The following CCDC102B variants were observed in gnomAD, a reference collection of about 807,000 sequenced individuals.
CCDC102B encodes the protein coiled-coil domain containing 102B, also known as coiled-coil domain-containing protein 102B.
Under a neutral mutation model 57.4 loss-of-function variants are expected in CCDC102B, and 75 were observed. The observed-to-expected ratio is 1.31, with a 90% CI of 1.08 to 1.58. CCDC102B has a LOEUF of 1.58. Ranked by LOEUF, CCDC102B falls within the 40% of genes most tolerant of loss-of-function variation. The pLI, the probability that CCDC102B is intolerant of heterozygous loss-of-function variation, is 0.00. For synonymous variants in CCDC102B, 206 were observed against 201.9 expected, an observed-to-expected ratio of 1.02 and a Z score of -0.17; for missense variants, 636 against 582.6, an observed-to-expected ratio of 1.09 and a Z score of -0.94.
Position 68,963,957 on chromosome 18 carries a change from G to A in CCDC102B, c.1264-46977G>A, listed in dbSNP as rs186000108. On this transcript the variant is annotated intron_variant, in intron 6 of 7. Transcript: ENST00000360242. ...TCTTCTCCATCAAGCCAAAAACTAT[G>A]TATTGCTGGATCACTACTTTCTTCC... Among the ~76,000 whole-genome samples the A allele has an allele frequency of 4.6e-5, 7 of 152,000 alleles. No homozygotes were observed. The East Asian group carries it at 1.4e-3, about 29-fold the overall frequency.
intron 5 of CCDC102B, among the ~76,000 whole-genome samples, chr18:68,893,637 T>C (rs777700991): frequency 1.4e-4 from 22 of 152,148 alleles, no homozygotes; most frequent in Non-Finnish European, 2.5e-4. Context: ...ATGAGCAAAA[T>C]GACACAGTCC....
intron 1 of CCDC102B, among the ~76,000 whole-genome samples, chr18:68,810,424 A>T (rs1489265984): frequency 1.3e-5 from 2 of 152,226 alleles, no homozygotes; most frequent in Non-Finnish European, 2.9e-5. Flanking sequence ...ATGGAAATAC[A>T]ACAATAACCC....
At chr18:68,760,438 T>G (rs897900930) in intron 2 of CCDC102B, among the ~76,000 whole-genome samples, 1 of 152,096 alleles carries the variant, frequency 6.6e-6, no homozygotes, top group Non-Finnish European at 1.5e-5. Flanking sequence ...GGACATTGTA[T>G]TACTTTATTT....
At chr18:68,750,936 C>G (rs1305528286) in intron 2 of CCDC102B, among the ~76,000 whole-genome samples, 1 of 151,344 alleles carries the variant, frequency 6.6e-6, no homozygotes, top group East Asian at 1.9e-4. Context: ...TACCCTAGAA[C>G]TTAAAGTATA....
At chr18:68,831,024 C>T (rs1404410927) in intron 1 of CCDC102B, among the ~76,000 whole-genome samples, 1 of 151,880 alleles carries the variant, frequency 6.6e-6, no homozygotes, top group Non-Finnish European at 1.5e-5. Context: ...AAAGAAGTCA[C>T]ACTGGTCACT....
intron 1 of CCDC102B, among the ~76,000 whole-genome samples, chr18:68,815,339 A>G (rs2036431116): frequency 6.6e-6 from 1 of 152,200 alleles, no homozygotes; most frequent in African/African-American, 2.4e-5. Flanking sequence ...TTATGGCCCA[A>G]TGGACACAGA....
In CCDC102B at chr18:68,996,093, G is replaced by A. The variant is rs149459720; in HGVS notation, c.1264-14841G>A. 3.5e-3 allele frequency among the ~76,000 whole-genome samples: 529 copies of A among 152,324 alleles called. 5 individuals are homozygous for A. Among genetic ancestry groups the A allele is most frequent in the South Asian group, 0.021 (101 of 4,820 alleles). ...GAAAGATGCAAAGTATTGTTCCTGC[G>A]TGTGTCTGTGAGGGTGTTGCCAAAG... On this transcript the variant is annotated intron_variant, in intron 6 of 7. Coordinates refer to ENST00000360242, the MANE Select transcript of CCDC102B (RefSeq NM_024781.3).
At chr18:68,812,580 T>C (rs1485026099) in intron 1 of CCDC102B, among the ~76,000 whole-genome samples, 1 of 152,198 alleles carries the variant, frequency 6.6e-6, no homozygotes, top group Admixed American at 6.5e-5. Flanking sequence ...TAGCAGAAGA[T>C]GTGTCTTTCA....
chr18:68,901,754 G>C (rs1439058177), intron 6 of CCDC102B, among the ~76,000 whole-genome samples: 1 of 152,002 alleles, frequency 6.6e-6, no homozygotes, highest in African/African-American at 2.4e-5. Context: ...AGAGTAGCTG[G>C]AAGTCTTTTT....
At chr18:68,769,224 G>T (rs897271390) in intron 2 of CCDC102B, among the ~76,000 whole-genome samples, 1 of 149,928 alleles carries the variant, frequency 6.7e-6, no homozygotes, top group African/African-American at 2.5e-5. Context: ...TTACATTCTA[G>T]CCTGGGCAAC....
At chr18:69,045,342 A>G (rs1350588529) in intron 7 of CCDC102B, among the ~76,000 whole-genome samples, 1 of 152,112 alleles carries the variant, frequency 6.6e-6, no homozygotes, top group Non-Finnish European at 1.5e-5. Context: ...CATGTAATAA[A>G]CAAATTATTA....
rs370530317 is a variant in CCDC102B, at chr18:68,817,946, T to C, written c.-15-18803T>C. Among the ~76,000 whole-genome samples the C allele has an allele frequency of 3.3e-5, 5 of 152,300 alleles. No homozygotes were observed. The East Asian group carries it at 9.6e-4, about 29-fold the overall frequency. On this transcript the variant is annotated intron_variant, in intron 1 of 7. Coordinates refer to ENST00000360242, the MANE Select transcript of CCDC102B (RefSeq NM_024781.3). Reference sequence around the variant, plus strand: ...CTAAAGCATGAATCAACTAGAATTTTGTGATATATTCCTTATAGTAAAGAT... The same window carrying C: ...CTAAAGCATGAATCAACTAGAATTTCGTGATATATTCCTTATAGTAAAGAT...
chr18:68,794,953 A>G (rs488343), upstream of CCDC102B, among the ~76,000 whole-genome samples: 1 of 151,884 alleles, frequency 6.6e-6, no homozygotes. Flanking sequence ...TTCACATGAG[A>G]AAGCTGCAAG....
intron 7 of CCDC102B, among the ~76,000 whole-genome samples, chr18:69,014,521 T>A (rs1309624357): frequency 6.6e-6 from 1 of 152,190 alleles, no homozygotes; most frequent in African/African-American, 2.4e-5. Flanking sequence ...GTTTCCTATT[T>A]CCACTTTTTA....
Position 69,011,056 on chromosome 18 carries a change from A to G in CCDC102B, c.1386A>G (p.Arg462=), listed in dbSNP as rs762821629. The G allele has an allele frequency of 2.5e-6, 4 of 1,614,008 alleles. No individual in the cohort carries two copies. The Admixed American group carries it at 5.0e-5, about 20-fold the overall frequency. Residue 462 remains arginine, a synonymous_variant, in exon 7 of 8, where the codon AGA becomes AGG. Coordinates refer to ENST00000360242, the MANE Select transcript of CCDC102B (RefSeq NM_024781.3). ...ATGAAGCAGAAGTAAAGAAACTAAG[A>G]TTACGAGTGGAAGAACTAAAGCAGG... ...DQNEAEVKKL[R]LRVEELKQGL... is the part of the protein sequence containing the mutation.
At chr18:68,843,420 C>A (rs1376787502) in intron 3 of CCDC102B, among the ~76,000 whole-genome samples, 1 of 151,868 alleles carries the variant, frequency 6.6e-6, no homozygotes, top group African/African-American at 2.4e-5. Flanking sequence ...ATTTTTAGGA[C>A]CTTTCATCTA....
At chr18:68,753,988 G>A (rs1482567563) in intron 2 of CCDC102B, 1 of 151,854 alleles carries the variant, frequency 6.6e-6, no homozygotes, top group Non-Finnish European at 1.5e-5. Context: ...ACTCCATATG[G>A]GTTGTGTACA....
intron 2 of CCDC102B, among the ~76,000 whole-genome samples, chr18:68,734,254 C>T (rs768441565): frequency 1.3e-5 from 2 of 152,152 alleles, no homozygotes; most frequent in Non-Finnish European, 2.9e-5. Flanking sequence ...TTAAGAGGCA[C>T]AGGTGACAGC....
At chr18:68,997,713 C>A (rs985978554) in intron 6 of CCDC102B, among the ~76,000 whole-genome samples, 1 of 151,786 alleles carries the variant, frequency 6.6e-6, no homozygotes, top group Non-Finnish European at 1.5e-5. Context: ...TCATCCGTGT[C>A]TTTTTAATTT....
Sources: allele counts gnomAD v4.1 joint callset (sites outside exome capture counted in the v4.1 genomes callset), GRCh38; gene constraint gnomAD v4.1.1; transcripts MANE v1.5; gene names NCBI Gene and HGNC (gene_info 2026-07-23, HGNC 2026-07-21).